Variants in CLXN observed in about 807,000 individuals in gnomAD.
The protein encoded by CLXN is calaxin.
At chr8:48,732,769 T>C in the CLXN span, among the ~76,000 whole-genome samples, 1 of 152,158 alleles carries the variant, frequency 6.6e-6, no homozygotes, top group Admixed American at 6.6e-5. Flanking sequence ...CAATGAAATA[T>C]CATTCAGCCT....
chr8:48,726,484 TCATCCATC>T, the CLXN span, among the ~76,000 whole-genome samples: 14 of 105,360 alleles, frequency 1.3e-4, no homozygotes, highest in East Asian at 1.0e-3. Flanking sequence ...ATCCATCCAT[TCATCCATC>T]CATCCATCCA....
the CLXN span, chr8:48,716,502 G>A: frequency 0.017 from 2,595 of 152,526 alleles, 25 homozygotes; most frequent in Non-Finnish European, 0.025. Flanking sequence ...AGGAGGTGCC[G>A]GGACCGAGTG....
chr8:48,734,039 A>G, the CLXN span, among the ~76,000 whole-genome samples: 2 of 152,296 alleles, frequency 1.3e-5, no homozygotes, highest in East Asian at 3.9e-4. Flanking sequence ...TTTTTCCTAA[A>G]CATTTTAAGA....
the CLXN span, chr8:48,731,213 A>G: frequency 1.1e-6 from 1 of 884,504 alleles, no homozygotes; most frequent in South Asian, 3.4e-5. Context: ...TCTTCTCAAA[A>G]TTAAATTTGT....
chr8:48,728,784 C>A, the CLXN span, among the ~76,000 whole-genome samples: 2 of 152,130 alleles, frequency 1.3e-5, no homozygotes. Context: ...AATCACTGAG[C>A]CTTTCATCTG....
the CLXN span, among the ~76,000 whole-genome samples, chr8:48,732,907 G>C: frequency 6.6e-6 from 1 of 152,108 alleles, no homozygotes; most frequent in Non-Finnish European, 1.5e-5. Flanking sequence ...CAGATTTATA[G>C]AGACAAAGTA....
At chr8:48,712,137 G>A in the CLXN span, 2 of 152,198 alleles carry the variant, frequency 1.3e-5, no homozygotes. Context: ...AATTATTTCT[G>A]CTGGGAGGCA....
the CLXN span, among the ~76,000 whole-genome samples, chr8:48,727,202 TCATC>T: frequency 1.8e-5 from 1 of 56,844 alleles, no homozygotes; most frequent in Admixed American, 1.9e-4. Flanking sequence ...CCTCACCCAT[TCATC>T]TATCCACTCA....
chr8:48,731,607 T>C, the CLXN span: 6 of 905,966 alleles, frequency 6.6e-6, no homozygotes, highest in African/African-American at 1.0e-4. Flanking sequence ...AGACATCAAA[T>C]AGGTAATTGT....
At chr8:48,714,698 G>A in the CLXN span, among the ~76,000 whole-genome samples, 9,760 of 152,204 alleles carry the variant, frequency 0.064, 374 homozygotes, top group South Asian at 0.18. Context: ...AGGGAGTCTC[G>A]TACATTGGGG....
chr8:48,717,708 G>T, the CLXN span, among the ~76,000 whole-genome samples: 12 of 152,290 alleles, frequency 7.9e-5, no homozygotes, highest in Admixed American at 2.0e-4. Flanking sequence ...TTTAGTAAGA[G>T]ACACACAATG....
chr8:48,725,697 G>C, the CLXN span, among the ~76,000 whole-genome samples: 1 of 152,030 alleles, frequency 6.6e-6, no homozygotes, highest in Non-Finnish European at 1.5e-5. Context: ...CCAGCTAGTC[G>C]GGAGGCTGAG....
At chr8:48,714,708 G>A in the CLXN span, among the ~76,000 whole-genome samples, 2 of 152,186 alleles carry the variant, frequency 1.3e-5, no homozygotes, top group African/African-American at 4.8e-5. Flanking sequence ...GTACATTGGG[G>A]ATGGCAGTTC....
chr8:48,720,844 C>T, the CLXN span, among the ~76,000 whole-genome samples: 1 of 152,146 alleles, frequency 6.6e-6, no homozygotes, highest in Non-Finnish European at 1.5e-5. Context: ...TATGTGATGT[C>T]ACCCCCAGTG....
At chr8:48,716,532 C>T in the CLXN span, 1 of 152,244 alleles carries the variant, frequency 6.6e-6, no homozygotes, top group Non-Finnish European at 1.5e-5. Flanking sequence ...AGCACATTGT[C>T]ACCTTTCAAG....
At chr8:48,734,173 A>C in the CLXN span, among the ~76,000 whole-genome samples, 1 of 152,282 alleles carries the variant, frequency 6.6e-6, no homozygotes, top group East Asian at 1.9e-4. Context: ...CTAAAACTAC[A>C]TCAACATGTT....
chr8:48,725,413 A>G, the CLXN span, among the ~76,000 whole-genome samples: 2 of 152,210 alleles, frequency 1.3e-5, 1 homozygote, highest in Non-Finnish European at 2.9e-5. Flanking sequence ...AACAGAAGTA[A>G]TAAGTGTGAA....
chr8:48,733,969 A>G, the CLXN span, among the ~76,000 whole-genome samples: 16 of 152,238 alleles, frequency 1.1e-4, no homozygotes, highest in African/African-American at 3.4e-4. Flanking sequence ...GAAAAACAAT[A>G]ACAGAACAAA....
At chr8:48,724,477 T>C in the CLXN span, 1 of 287,950 alleles carries the variant, frequency 3.5e-6, no homozygotes, top group Non-Finnish European at 6.4e-6. Flanking sequence ...ATGCCAGTTA[T>C]GTGCTTCGAC....
Sources: allele counts gnomAD v4.1 joint callset (sites outside exome capture counted in the v4.1 genomes callset), GRCh38; gene constraint gnomAD v4.1.1; transcripts MANE v1.5; gene names NCBI Gene and HGNC (gene_info 2026-07-23, HGNC 2026-07-21).